Variants in LRP1B observed in about 807,000 individuals in gnomAD.
The protein encoded by LRP1B is LDL receptor related protein 1B.
LRP1B carries 217 observed loss-of-function variants against 556.6 expected under a neutral mutation model. The ratio of observed to expected loss-of-function variants is 0.39; its 90% confidence interval spans 0.35 to 0.44. The LOEUF is 0.44. Among genes scored for constraint, LRP1B ranks in the 20% least tolerant of loss-of-function variants. LRP1B has a pLI of 1.00. For synonymous variants in LRP1B, 2,047 were observed against 1,865.8 expected, an observed-to-expected ratio of 1.10 and a Z score of -2.50; for missense variants, 5,053 against 5,620.8, an observed-to-expected ratio of 0.90 and a Z score of 3.23.
chr2:141,864,563 G>GGA (rs372790900), intron 1 of LRP1B, among the ~76,000 whole-genome samples: 7 of 144,076 alleles, frequency 4.9e-5, no homozygotes, highest in South Asian at 4.4e-4. Context: ...AATCTTGAGG[G>GGA]AAAAAAAAAA....
intron 11 of LRP1B, among the ~76,000 whole-genome samples, chr2:141,028,746 A>G (rs1249618812): frequency 6.6e-6 from 1 of 152,152 alleles, no homozygotes; most frequent in Non-Finnish European, 1.5e-5. Context: ...AACTAAATTA[A>G]AGTACCCATT....
intron 15 of LRP1B, among the ~76,000 whole-genome samples, chr2:141,002,444 G>T (rs1466206136): frequency 1.3e-5 from 2 of 151,990 alleles, no homozygotes; most frequent in African/African-American, 4.8e-5. Context: ...AGGGGGGATT[G>T]ATTCCAGGAT....
intron 79 of LRP1B, among the ~76,000 whole-genome samples, chr2:140,329,396 G>GCAAT (rs912698445): frequency 7.2e-5 from 11 of 152,046 alleles, no homozygotes; most frequent in African/African-American, 2.7e-4. Context: ...TCTTGCCAGG[G>GCAAT]CAATCAGGCA....
chr2:141,680,049 G>A (rs531347462), intron 2 of LRP1B, among the ~76,000 whole-genome samples: 6 of 152,028 alleles, frequency 3.9e-5, no homozygotes, highest in African/African-American at 1.4e-4. Context: ...GGAGAAAAGA[G>A]CCTAAGAAAA....
At chr2:141,456,937 T>C (rs1194850127) in intron 3 of LRP1B, among the ~76,000 whole-genome samples, 1 of 152,220 alleles carries the variant, frequency 6.6e-6, no homozygotes, top group Non-Finnish European at 1.5e-5. Flanking sequence ...TTGTAATTCA[T>C]AAGATAAGTT....
intron 2 of LRP1B, among the ~76,000 whole-genome samples, chr2:141,667,709 T>C (rs1690497009): frequency 1.3e-5 from 2 of 152,220 alleles, no homozygotes; most frequent in Admixed American, 6.5e-5. Flanking sequence ...TACCTCTTCA[T>C]TACACATCAC....
chr2:141,138,365 A>G (rs930379663), intron 7 of LRP1B, among the ~76,000 whole-genome samples: 3 of 151,948 alleles, frequency 2.0e-5, no homozygotes, highest in African/African-American at 7.2e-5. Context: ...ACAAGACAAG[A>G]CAGGGATCTG....
intron 7 of LRP1B, among the ~76,000 whole-genome samples, chr2:141,166,835 CAATT>C (rs1053975736): frequency 4.6e-5 from 7 of 151,134 alleles, no homozygotes; most frequent in East Asian, 3.9e-4. Flanking sequence ...TAAGATGTCT[CAATT>C]AAACTCTTTT....
chr2:140,324,770 T>TTATATTCA (rs768459699), intron 80 of LRP1B, among the ~76,000 whole-genome samples: 5 of 151,966 alleles, frequency 3.3e-5, no homozygotes, highest in Non-Finnish European at 7.4e-5. Flanking sequence ...TAAAGTGTCT[T>TTATATTCA]TATATTCATA....
At chr2:141,791,949 G>A (rs953163638) in intron 2 of LRP1B, among the ~76,000 whole-genome samples, 1 of 151,920 alleles carries the variant, frequency 6.6e-6, no homozygotes, top group African/African-American at 2.4e-5. Context: ...AGATTCCCAT[G>A]AATCAAAATG....
chr2:140,806,477 T>G lies in LRP1B; in HGVS notation c.5359+7180A>C, dbSNP rs191455501. On this transcript the variant is annotated intron_variant, in intron 32 of 90. Coordinates refer to ENST00000389484, the MANE Select transcript of LRP1B (RefSeq NM_018557.3). ...GAGAGCAACTGTGCATATAGTAGAA[T>G]AGCAGAGAATAATGAATAAATAGCT... Among the ~76,000 whole-genome samples, 128 of 152,234 alleles carry G rather than the reference T, an allele frequency of 8.4e-4. 3 individuals carry two copies. Among genetic ancestry groups the G allele is most frequent in the Non-Finnish European group, 7.4e-4 (50 of 68,002 alleles).
intron 1 of LRP1B, among the ~76,000 whole-genome samples, chr2:141,858,353 T>C (rs1698131733): frequency 1.3e-5 from 2 of 152,318 alleles, no homozygotes; most frequent in Non-Finnish European, 2.9e-5. Context: ...CATTCTACAT[T>C]GTAAATACCT....
At position 141,154,908 on chromosome 2, in the gene LRP1B, G is replaced by C. The variant is rs117548830; in HGVS notation, c.1013+33513C>G. 1.6e-3 allele frequency among the ~76,000 whole-genome samples: 239 copies of C among 152,030 alleles called. 7 individuals carry two copies. The East Asian group carries it at 0.037, about 24-fold the overall frequency. ...TTTCTCCTTTCAATAATCAGGGAAA[G>C]AGTTCAGTATAGCCAGTGAAAAATA... On this transcript the variant is annotated intron_variant, in intron 7 of 90. Coordinates refer to ENST00000389484, the MANE Select transcript of LRP1B (RefSeq NM_018557.3).
At chr2:141,622,716 G>T (rs1433645891) in intron 2 of LRP1B, among the ~76,000 whole-genome samples, 1 of 152,156 alleles carries the variant, frequency 6.6e-6, no homozygotes, top group Non-Finnish European at 1.5e-5. Flanking sequence ...AATTCAAAGG[G>T]TTGCTAGTAA....
At chr2:140,836,806 G>A (rs978196206) in intron 31 of LRP1B, among the ~76,000 whole-genome samples, 5 of 152,162 alleles carry the variant, frequency 3.3e-5, no homozygotes, top group African/African-American at 9.7e-5. Context: ...TTTTCATTAC[G>A]CATTGGGGAG....
In LRP1B at chr2:141,302,815, G is replaced by T. The variant is rs566974784; in HGVS notation, c.344-48174C>A. ...TTTCTTAGATGATCATGTTATACAT[G>T]ATTTAAGTACTTCAGACAAAATAGC... On this transcript the variant is annotated intron_variant, in intron 3 of 90. Transcript: ENST00000389484. Among the ~76,000 whole-genome samples the T allele has an allele frequency of 1.2e-4, 18 of 152,154 alleles. No homozygotes were observed. In the South Asian group the frequency reaches 2.9e-3, roughly 25 times the overall value.
intron 25 of LRP1B, among the ~76,000 whole-genome samples, chr2:140,878,079 C>T (rs116726739): frequency 7.0e-4 from 106 of 152,164 alleles, no homozygotes; most frequent in African/African-American, 2.5e-3. Flanking sequence ...GTGAATAAGA[C>T]CATTGGGAAA....
At chr2:140,318,260 T>A (rs1365591532) in intron 82 of LRP1B, among the ~76,000 whole-genome samples, 1 of 152,158 alleles carries the variant, frequency 6.6e-6, no homozygotes, top group Non-Finnish European at 1.5e-5. Context: ...CCAAACTGTT[T>A]ATTTTTCAAG....
chr2:140,596,131 T>C (rs909521750), intron 43 of LRP1B, among the ~76,000 whole-genome samples: 3 of 152,148 alleles, frequency 2.0e-5, no homozygotes, highest in Admixed American at 6.5e-5. Flanking sequence ...GTAACATCTG[T>C]CTAAGGCTTC....
Sources: allele counts gnomAD v4.1 joint callset (sites outside exome capture counted in the v4.1 genomes callset), GRCh38; gene constraint gnomAD v4.1.1; transcripts MANE v1.5; gene names NCBI Gene and HGNC (gene_info 2026-07-23, HGNC 2026-07-21).